The following EPN2 variants were observed in gnomAD, a reference collection of about 807,000 sequenced individuals.
The protein encoded by EPN2 is epsin 2.
EPN2 carries 34 observed loss-of-function variants against 61.7 expected under a neutral mutation model. The observed-to-expected ratio is 0.55, with a 90% CI of 0.42 to 0.73. The LOEUF is 0.73. EPN2 is among the 30% of genes least tolerant of loss of function. The pLI, the probability that EPN2 is intolerant of heterozygous loss-of-function variation, is 0.00. For missense variants in EPN2, 714 were observed against 839.2 expected (o/e 0.85, Z 1.84); for synonymous variants, 349 against 353.6 (o/e 0.99, Z 0.15).
At chr17:19,277,916 C>A (rs1386217420) in intron 1 of EPN2, among the ~76,000 whole-genome samples, 1 of 151,660 alleles carries the variant, frequency 6.6e-6, no homozygotes, top group Non-Finnish European at 1.5e-5. Flanking sequence ...ACTAAAAATA[C>A]AAAAAAATTA....
rs1053554836 is a variant in EPN2 at position 19,314,516 on chromosome 17, A to G, written c.1147+1237A>G. On this transcript the variant is annotated intron_variant, in intron 7 of 10. Transcript: ENST00000314728. ...GAAGCAGGGGAGAAGGGCCCAGATC[A>G]CTCAGGGCCTGCACTCAGCCTTACC... is the stretch of plus-strand genomic sequence containing the variant. Among the ~76,000 whole-genome samples the G allele has an allele frequency of 2.6e-4, 39 of 152,244 alleles. 1 individual carries two copies. Among genetic ancestry groups the G allele is most frequent in the Middle Eastern group, 6.8e-3 (2 of 294 alleles).
chr17:19,323,957 G>A (rs1349830196), intron 7 of EPN2, among the ~76,000 whole-genome samples: 3 of 152,198 alleles, frequency 2.0e-5, no homozygotes, highest in Non-Finnish European at 2.9e-5. Flanking sequence ...AGATCTTCAG[G>A]ACAGAATGAA....
chr17:19,333,932 C>A, intron 10 of EPN2, 24 bp from the exon 11 acceptor site: 1 of 1,513,768 alleles, frequency 6.6e-7, no homozygotes, highest in South Asian at 1.4e-5. Context: ...GGCTCAGCCT[C>A]TGCCCCTCCT....
At chr17:19,317,258 G>C (rs1270147348) in intron 7 of EPN2, among the ~76,000 whole-genome samples, 2 of 152,212 alleles carry the variant, frequency 1.3e-5, no homozygotes, top group African/African-American at 4.8e-5. Context: ...GTTGAAAGGA[G>C]GGAGATTGGA....
intron 4 of EPN2, among the ~76,000 whole-genome samples, chr17:19,295,553 G>GA (rs1365459886): frequency 1.3e-5 from 2 of 151,940 alleles, no homozygotes; most frequent in Admixed American, 6.6e-5. Flanking sequence ...GAAAAGAAAA[G>GA]AAAAAATACA....
chr17:19,283,156 A>T lies in EPN2; in HGVS notation c.37A>T (p.Ile13Phe). The change falls in exon 3 of 11, where the codon ATC becomes TTC. Residue 13 changes from isoleucine (I) to phenylalanine (F), a missense_variant. Physicochemically the swap from Ile to Phe is conservative, Grantham distance 21 (BLOSUM62 0). Around this residue, in one of 2 missense-constraint regions of EPN2, gnomAD observed 304 missense variants for 417.4 expected, o/e 0.73. Transcript: ENST00000314728. This position sits in a 1 kb window ranked among gnomAD's most constrained non-coding sequence, Gnocchi z 7.0. ...GTCTATCAGACGGCAGATGAAAAAC[A>T]TCGTGAACAATTACTCAGAGGCAGA... is the stretch of plus-strand genomic sequence containing the variant. Reference protein sequence around the residue: ...TSSIRRQMKNIVNNYSEAEIK... With the variant: ...TSSIRRQMKNFVNNYSEAEIK... The T allele has an allele frequency of 6.2e-7, 1 of 1,612,976 alleles. No homozygotes were observed. Among genetic ancestry groups the T allele is most frequent in the Non-Finnish European group, 8.5e-7 (1 of 1,179,548 alleles).
rs542519618 is a variant in EPN2, at chr17:19,327,551, T to C, written c.1148-1160T>C. The stretch of plus-strand genomic sequence containing the variant: ...TTAGCCGGGCGTGGTGACATTCCTG[T>C]AGTCCCAGCTACTTGGGAGGCGGCG... On this transcript the variant is annotated intron_variant, in intron 7 of 10. Transcript: ENST00000314728. 1.5e-4 allele frequency among the ~76,000 whole-genome samples: 23 copies of C among 152,240 alleles called. No homozygotes were observed. The East Asian group carries it at 4.4e-3, about 29-fold the overall frequency.
chr17:19,308,056 A>G, intron 4 of EPN2: 1 of 977,622 alleles, frequency 1.0e-6, no homozygotes, highest in Non-Finnish European at 1.2e-6. Context: ...AGAAGGAAGT[A>G]AACTAATACA....
In EPN2 at chr17:19,335,585, G is replaced by T; in HGVS notation, c.*1331G>T. The T allele has an allele frequency of 1.9e-6, 2 of 1,035,252 alleles. No individual in the cohort carries two copies. The highest frequency in any genetic ancestry group is 3.9e-5 in the South Asian group (2 of 51,712). The allele number at this position is 1,035,252 out of a possible 1,614,324, so 64.1% of individuals were successfully genotyped here. Reference sequence around the variant, plus strand: ...GTGGGGGGTGCTTCTGTGCCCACGGGTCCCTGGGCAACAGTCCCTAGGCTA... The same window carrying T: ...GTGGGGGGTGCTTCTGTGCCCACGGTTCCCTGGGCAACAGTCCCTAGGCTA... On this transcript the variant is annotated 3_prime_UTR_variant, in exon 11 of 11. Coordinates refer to ENST00000314728, the MANE Select transcript of EPN2 (RefSeq NM_014964.5).
intron 4 of EPN2, among the ~76,000 whole-genome samples, chr17:19,304,572 C>G (rs1905729911): frequency 6.6e-6 from 1 of 152,126 alleles, no homozygotes; most frequent in Admixed American, 6.5e-5. Context: ...TGGTCTGGTC[C>G]CCATGGATGG....
chr17:19,243,384 ATTTTTTT>A (rs1013094131), intron 1 of EPN2, among the ~76,000 whole-genome samples: 9 of 77,266 alleles, frequency 1.2e-4, no homozygotes, highest in Admixed American at 1.7e-4. Context: ...TGCCTGGCTA[ATTTTTTT>A]TTTTTTTTTT....
At chr17:19,306,869 G>A (rs1366378900) in intron 4 of EPN2, among the ~76,000 whole-genome samples, 2 of 152,194 alleles carry the variant, frequency 1.3e-5, no homozygotes, top group African/African-American at 4.8e-5. Context: ...TGTCGTAAGT[G>A]CAATATTTGC....
At chr17:19,272,078 T>C (rs1224570816) in intron 1 of EPN2, among the ~76,000 whole-genome samples, 1 of 152,260 alleles carries the variant, frequency 6.6e-6, no homozygotes. Flanking sequence ...TGGAAAATTA[T>C]GCTGATCAAA....
At chr17:19,251,432 T>G (rs1477969178) in intron 1 of EPN2, among the ~76,000 whole-genome samples, 1 of 152,162 alleles carries the variant, frequency 6.6e-6, no homozygotes, top group East Asian at 1.9e-4. Flanking sequence ...TCCCTGAGTT[T>G]GCAGACATCG....
intron 7 of EPN2, among the ~76,000 whole-genome samples, chr17:19,319,703 A>G (rs1006019320): frequency 1.3e-5 from 2 of 150,724 alleles, no homozygotes; most frequent in African/African-American, 4.9e-5. Context: ...GCTGGAATGC[A>G]GTGGTATGAT....
intron 7 of EPN2, among the ~76,000 whole-genome samples, chr17:19,319,347 TG>T (rs148068633): frequency 0.011 from 1,617 of 152,142 alleles, 22 homozygotes; most frequent in African/African-American, 0.035. Flanking sequence ...TTTTTTGAGA[TG>T]GAGTCTCGTT....
At chr17:19,282,857 C>T (rs930163121) in intron 2 of EPN2, 93 bp from the exon 3 acceptor site, 1 of 411,836 alleles carries the variant, frequency 2.4e-6, no homozygotes, top group African/African-American at 2.0e-5. Context: ...CCACTCAGCT[C>T]CCCAGTTTTA....
intron 1 of EPN2, among the ~76,000 whole-genome samples, chr17:19,272,370 C>T (rs1441666534): frequency 6.6e-6 from 1 of 152,144 alleles, no homozygotes; most frequent in Non-Finnish European, 1.5e-5. Flanking sequence ...CTAACAAAAA[C>T]GTCTGCTGCT....
chr17:19,255,354 A>G (rs1339619153), intron 1 of EPN2, among the ~76,000 whole-genome samples: 3 of 151,788 alleles, frequency 2.0e-5, no homozygotes, highest in Non-Finnish European at 4.4e-5. Flanking sequence ...CTGTAATGTG[A>G]CCTGCACTTT....
Sources: allele counts gnomAD v4.1 joint callset (sites outside exome capture counted in the v4.1 genomes callset), GRCh38; gene constraint gnomAD v4.1.1; regional missense constraint gnomAD v4.1.1; non-coding constraint Gnocchi (gnomAD v3.1); transcripts MANE v1.5; gene names NCBI Gene and HGNC (gene_info 2026-07-23, HGNC 2026-07-21).